TBX18: variants seen among roughly 807,000 people sequenced by gnomAD.
The protein encoded by TBX18 is T-box transcription factor 18.
Under a neutral mutation model 55.0 loss-of-function variants are expected in TBX18, and 21 were observed. The ratio of observed to expected loss-of-function variants is 0.38; its 90% CI spans 0.27 to 0.55. The LOEUF is 0.55. Ranked by LOEUF, TBX18 falls within the 20% of genes least tolerant of loss-of-function variation. TBX18 has a pLI of 0.73. For missense variants in TBX18, 840 were observed against 799.6 expected, an observed-to-expected ratio of 1.05 and a Z score of -0.61; for synonymous variants, 342 against 326.1, an observed-to-expected ratio of 1.05 and a Z score of -0.53.
chr6:84,740,664 A>T (rs1369080389), intron 6 of TBX18, among the ~76,000 whole-genome samples: 1 of 152,206 alleles, frequency 6.6e-6, no homozygotes, highest in Non-Finnish European at 1.5e-5. Context: ...AATTTATACC[A>T]ATACTAAATT....
At chr6:84,748,357 A>C (rs1388026490) in intron 4 of TBX18, among the ~76,000 whole-genome samples, 1 of 152,232 alleles carries the variant, frequency 6.6e-6, no homozygotes, top group Non-Finnish European at 1.5e-5. Flanking sequence ...CTGTTGCTAA[A>C]AACACAGGAA....
chr6:84,750,912 C>T (rs996022305), intron 4 of TBX18, among the ~76,000 whole-genome samples: 6 of 151,672 alleles, frequency 4.0e-5, no homozygotes, highest in Non-Finnish European at 1.5e-5. Context: ...CTCTTTATTT[C>T]TTAATTAATT....
At chr6:84,746,308 A>G (rs1316584485) in intron 5 of TBX18, among the ~76,000 whole-genome samples, 1 of 151,050 alleles carries the variant, frequency 6.6e-6, no homozygotes, top group African/African-American at 2.4e-5. Context: ...TGCCTCTGCT[A>G]TTTTCTCATG....
chr6:84,762,401 C>A, intron 2 of TBX18, 143 bp downstream of exon 2: 2 of 977,876 alleles, frequency 2.0e-6, no homozygotes, highest in Non-Finnish European at 3.3e-6. Flanking sequence ...AAGTGAACCA[C>A]GGTCTGGGGC....
chr6:84,739,681 G>C (rs1026598977), intron 6 of TBX18, among the ~76,000 whole-genome samples: 1 of 152,240 alleles, frequency 6.6e-6, no homozygotes, highest in Non-Finnish European at 1.5e-5. Context: ...TTTGACTCAA[G>C]GTGCTACCAC....
At chr6:84,748,524 T>C (rs1339019145) in intron 4 of TBX18, among the ~76,000 whole-genome samples, 2 of 152,200 alleles carry the variant, frequency 1.3e-5, no homozygotes, top group Non-Finnish European at 2.9e-5. Context: ...GAGGAAATGT[T>C]TCCCCAGTTC....
Position 84,734,512 on chromosome 6 carries a change from T to C in TBX18, c.*2173A>G, listed in dbSNP as rs1157140823. ...AAATACAGATATATAATTATCAATG[T>C]ATGCATGTCATTTAATTCAGCAATA... On this transcript the variant is annotated 3_prime_UTR_variant, in exon 8 of 8. Coordinates refer to ENST00000369663, the MANE Select transcript of TBX18 (RefSeq NM_001080508.3). 6.6e-6 allele frequency: 1 copy of C among 152,648 alleles called. No homozygotes were observed. The highest frequency in any genetic ancestry group is 2.4e-5 in the African/African-American group (1 of 41,460). The allele number at this position is 152,648 out of a possible 1,614,324, so 9.5% of individuals were successfully genotyped here.
At chr6:84,748,133 A>G in intron 4 of TBX18, 46 bp from the exon 5 acceptor site, 1 of 1,426,892 alleles carries the variant, frequency 7.0e-7, no homozygotes, top group Non-Finnish European at 9.6e-7. Context: ...GCCTCTGCCC[A>G]ACCTCAACAA....
intron 7 of TBX18, among the ~76,000 whole-genome samples, chr6:84,737,931 G>T (rs1018463617): frequency 6.6e-6 from 1 of 152,222 alleles, no homozygotes; most frequent in Non-Finnish European, 1.5e-5. Context: ...ATGGTAAAAA[G>T]CCTGAATGTA....
intron 4 of TBX18, among the ~76,000 whole-genome samples, chr6:84,748,325 T>C (rs1767252409): frequency 6.6e-6 from 1 of 152,186 alleles, no homozygotes; most frequent in Non-Finnish European, 1.5e-5. Context: ...TGTACAACCA[T>C]GTGAACTTAA....
chr6:84,745,394 C>T (rs1767155588), intron 5 of TBX18, among the ~76,000 whole-genome samples: 1 of 152,084 alleles, frequency 6.6e-6, no homozygotes, highest in Non-Finnish European at 1.5e-5. Flanking sequence ...TTAATGAACT[C>T]TACAAAGTTA....
intron 2 of TBX18, among the ~76,000 whole-genome samples, chr6:84,762,087 C>T (rs1001415653): frequency 6.6e-6 from 1 of 151,934 alleles, no homozygotes; most frequent in Non-Finnish European, 1.5e-5. Context: ...AACCAATCTG[C>T]CTGGGAGTTT....
chr6:84,750,756 A>G (rs936395289), intron 4 of TBX18, among the ~76,000 whole-genome samples: 17 of 151,806 alleles, frequency 1.1e-4, no homozygotes, highest in Middle Eastern at 3.2e-3. Flanking sequence ...AAAGGGTCTC[A>G]GCCTACAGAA....
At chr6:84,753,845 G>C (rs2127878381) in intron 4 of TBX18, among the ~76,000 whole-genome samples, 1 of 152,220 alleles carries the variant, frequency 6.6e-6, no homozygotes, top group East Asian at 1.9e-4. Flanking sequence ...TCTCTGAGCT[G>C]GCAGGATGAT....
Position 84,736,500 on chromosome 6 carries a change from A to G in TBX18, c.*185T>C, listed in dbSNP as rs1773946978. 3.6e-6 allele frequency: 2 copies of G among 559,874 alleles called. No homozygotes were observed. The highest frequency in any genetic ancestry group is 2.0e-5 in the African/African-American group (1 of 51,278). 34.7% of individuals were successfully genotyped at this position (559,874 alleles called of 1,614,324 possible). A position where few individuals can be genotyped will look rare whatever the true frequency, so the allele number is the denominator to read the frequency against. ...GATACTCCATGTGCTATGTATATAC[A>G]GCATACATATATACCATAGATAATT... On this transcript the variant is annotated 3_prime_UTR_variant, in exon 8 of 8. Coordinates refer to ENST00000369663, the MANE Select transcript of TBX18 (RefSeq NM_001080508.3).
In TBX18 at chr6:84,762,972, C is replaced by G. The variant is rs535515229; in HGVS notation, c.293-224G>C. ...GCTCCAGTGTGGCCTGCTTGGTCCC[C>G]AAGTCCCAAGCCCGGGAGAGGCGCG... On this transcript the variant is annotated intron_variant, in intron 1 of 7. Transcript: ENST00000369663. 1,193 of 585,864 alleles carry G rather than the reference C, an allele frequency of 2.0e-3. 22 individuals carry two copies. In the South Asian group the frequency reaches 0.024, roughly 12 times the overall value. 36.3% of individuals were successfully genotyped at this position (585,864 alleles called of 1,614,324 possible). A position where few individuals can be genotyped will look rare whatever the true frequency, so the allele number is the denominator to read the frequency against.
At position 84,762,583 on chromosome 6, in the gene TBX18, T is replaced by C; in HGVS notation, c.458A>G (p.His153Arg). The change falls in exon 2 of 8, where the codon CAT becomes CGT. Residue 153 changes from histidine to arginine, a missense_variant. By Grantham distance (29) the His-to-Arg change is conservative. Coordinates refer to ENST00000369663, the MANE Select transcript of TBX18 (RefSeq NM_001080508.3). Reference sequence around the variant, plus strand: ...GATGATCATCTCAGTGCCTATCTCATGAAAGCGCTTCCAGAGCTCGGCTCC... The same window carrying C: ...GATGATCATCTCAGTGCCTATCTCACGAAAGCGCTTCCAGAGCTCGGCTCC... ...LQGAELWKRF[H>R]EIGTEMIITK... is the part of the protein sequence containing the mutation. 1.2e-6 allele frequency: 2 copies of C among 1,613,984 alleles called. No individual in the cohort carries two copies. The highest frequency in any genetic ancestry group is 1.7e-6 in the Non-Finnish European group (2 of 1,180,000).
chr6:84,762,693 G>T lies in TBX18; in HGVS notation c.348C>A (p.Gly116=). 6.2e-7 allele frequency: 1 copy of T among 1,611,002 alleles called. No individual in the cohort carries two copies. ...QGASPLASPG[G]SPKGSPARSL... ...AGCGCGCCGGAGACCCCTTGGGGGA[G>T]CCTCCCGGTGACGCCAGAGGGGAAG... The change falls in exon 2 of 8, where the codon GGC becomes GGA. Residue 116 remains glycine (G), a synonymous_variant. Coordinates refer to ENST00000369663, the MANE Select transcript of TBX18 (RefSeq NM_001080508.3).
chr6:84,745,440 G>C (rs974491200), intron 5 of TBX18, among the ~76,000 whole-genome samples: 2 of 152,046 alleles, frequency 1.3e-5, no homozygotes, highest in Admixed American at 6.6e-5. Flanking sequence ...CTTGGCTAAG[G>C]ACAAAAACTG....
Sources: gnomAD v4.1 joint callset for allele counts (sites outside exome capture counted in the v4.1 genomes callset) on GRCh38, gnomAD v4.1.1 for gene constraint, MANE v1.5 for transcripts, NCBI Gene and HGNC (gene_info 2026-07-23, HGNC 2026-07-21) for gene names.